The following ATP2B4 variants were observed in gnomAD, a reference collection of about 807,000 sequenced individuals.
The protein encoded by ATP2B4 is ATPase plasma membrane Ca2+ transporting 4.
Under a neutral mutation model 110.3 loss-of-function variants are expected in ATP2B4, and 39 were observed. The ratio of observed to expected loss-of-function variants is 0.35; its 90% CI spans 0.27 to 0.46. The LOEUF is 0.46. Ranked by LOEUF, ATP2B4 falls within the 20% of genes least tolerant of loss-of-function variation. The pLI, the probability that ATP2B4 is intolerant of heterozygous loss-of-function variation, is 1.00. For synonymous variants in ATP2B4, 538 were observed against 571.7 expected, an observed-to-expected ratio of 0.94 and a Z score of 0.84; for missense variants, 1,135 against 1,530.9, an observed-to-expected ratio of 0.74 and a Z score of 4.32.
intron 20 of ATP2B4, chr1:203,729,663 G>A: frequency 8.3e-7 from 1 of 1,207,630 alleles, no homozygotes; most frequent in Non-Finnish European, 1.1e-6. Context: ...TGCTGTGGCT[G>A]CCTCACCTAT....
chr1:203,699,006 GT>G (rs914922524), intron 3 of ATP2B4, among the ~76,000 whole-genome samples: 17 of 152,060 alleles, frequency 1.1e-4, no homozygotes, highest in African/African-American at 4.1e-4. Flanking sequence ...AACCCCTGGG[GT>G]CAAGCGATCT....
intron 1 of ATP2B4, among the ~76,000 whole-genome samples, chr1:203,670,683 AT>A (rs1664636475): frequency 6.6e-6 from 1 of 152,172 alleles, no homozygotes; most frequent in Non-Finnish European, 1.5e-5. Context: ...TTTAGAAGTG[AT>A]GCCTGCTCTG....
intron 1 of ATP2B4, among the ~76,000 whole-genome samples, chr1:203,634,710 C>A (rs1445127451): frequency 6.6e-6 from 1 of 151,698 alleles, no homozygotes; most frequent in Non-Finnish European, 1.5e-5. Context: ...TATCATCCAG[C>A]TGGAGTGCAG....
intron 1 of ATP2B4, among the ~76,000 whole-genome samples, chr1:203,675,943 T>C (rs1487471004): frequency 1.3e-5 from 2 of 151,920 alleles, no homozygotes; most frequent in South Asian, 2.1e-4. Context: ...AAAGGAGACA[T>C]GAACCAGAAC....
At position 203,684,928 on chromosome 1, in the gene ATP2B4, A is replaced by G. The variant is rs563833310; in HGVS notation, c.193+1530A>G. Among the ~76,000 whole-genome samples, 6 of 152,172 alleles carry G rather than the reference A, an allele frequency of 3.9e-5. No individual in the cohort carries two copies. In the East Asian group the frequency reaches 9.7e-4, roughly 25 times the overall value. The stretch of plus-strand genomic sequence containing the variant: ...AGGCAGGCTGGAGTGCAATGGTGCA[A>G]TCTTGGCTCACTGCAACCTCCACCT... On this transcript the variant is annotated intron_variant, in intron 2 of 20. Transcript: ENST00000357681.
rs1287926310 is a variant in ATP2B4, at chr1:203,698,295, T to C, written c.332T>C (p.Ile111Thr). 8 of 1,614,130 alleles carry C rather than the reference T, an allele frequency of 5.0e-6. No homozygotes were observed. The highest frequency in any genetic ancestry group is 6.8e-6 in the Non-Finnish European group (8 of 1,180,026). The change falls in exon 3 of 21, where the codon ATT becomes ACT. Residue 111 changes from isoleucine to threonine, a missense_variant. Around this residue, in one of 9 missense-constraint regions of ATP2B4, gnomAD observed 101 missense variants for 182.6 expected, o/e 0.55. Transcript: ENST00000357681. ...LQDVTLIILE[I>T]AAIISLVLSF... ...GATGTCACGCTTATCATCCTGGAGA[T>C]TGCAGCCATCATCTCCCTGGTCCTG...
At chr1:203,634,028 C>G (rs1185307334) in intron 1 of ATP2B4, among the ~76,000 whole-genome samples, 1 of 151,842 alleles carries the variant, frequency 6.6e-6, no homozygotes, top group African/African-American at 2.4e-5. Context: ...CCAGCCTGGG[C>G]AAGAAGAGTG....
rs139471941 is a variant in ATP2B4 at position 203,650,061 on chromosome 1, A to G, written c.-465+22842A>G. Among the ~76,000 whole-genome samples, 371 of 152,354 alleles carry G rather than the reference A, an allele frequency of 2.4e-3. 3 individuals carry two copies. In the East Asian group the frequency reaches 0.038, roughly 15 times the overall value. ...CCAGCCTTCCCTTCCATGGTGATGT[A>G]AACGGAGTGGCTTTCACGCACACAT... On this transcript the variant is annotated intron_variant, in intron 1 of 20. Coordinates refer to ENST00000357681, the MANE Select transcript of ATP2B4 (RefSeq NM_001684.5).
At chr1:203,655,837 A>G (rs1664144172) in intron 1 of ATP2B4, among the ~76,000 whole-genome samples, 1 of 152,138 alleles carries the variant, frequency 6.6e-6, no homozygotes, top group Non-Finnish European at 1.5e-5. Context: ...CCACATTGAG[A>G]AAAGACCTCT....
At chr1:203,720,100 A>G (rs1221672082) in intron 15 of ATP2B4, among the ~76,000 whole-genome samples, 1 of 152,148 alleles carries the variant, frequency 6.6e-6, no homozygotes, top group Non-Finnish European at 1.5e-5. Context: ...TAAAAGGAAA[A>G]TTTTGAACAA....
At chr1:203,672,955 T>A (rs1339943679) in intron 1 of ATP2B4, among the ~76,000 whole-genome samples, 1 of 152,060 alleles carries the variant, frequency 6.6e-6, no homozygotes, top group Non-Finnish European at 1.5e-5. Context: ...AATGTGGGCT[T>A]TTTCAGGGCT....
At chr1:203,687,675 C>G (rs918201700) in intron 2 of ATP2B4, among the ~76,000 whole-genome samples, 2 of 152,012 alleles carry the variant, frequency 1.3e-5, no homozygotes, top group Non-Finnish European at 2.9e-5. Flanking sequence ...TAAACCATAG[C>G]TTTTAAGGGG....
At chr1:203,683,530 GGCA>G in intron 2 of ATP2B4, 132 bp downstream of exon 2, 3 of 866,128 alleles carry the variant, frequency 3.5e-6, no homozygotes, top group Non-Finnish European at 5.0e-6. Flanking sequence ...GGAAAGGTAT[GGCA>G]TCTGAAGCAC....
intron 1 of ATP2B4, among the ~76,000 whole-genome samples, chr1:203,628,608 A>T (rs1357819884): frequency 6.6e-6 from 1 of 152,176 alleles, no homozygotes; most frequent in African/African-American, 2.4e-5. Context: ...GGAGTCTGGC[A>T]GGGAGTCTAG....
At chr1:203,701,973 G>T in intron 6 of ATP2B4, 71 bp from the exon 7 acceptor site, 1 of 1,566,076 alleles carries the variant, frequency 6.4e-7, no homozygotes, top group Non-Finnish European at 8.8e-7. Context: ...CTCTGAGCAG[G>T]ACCAACAAAT....
At chr1:203,657,752 C>T in intron 1 of ATP2B4, 2 of 689,350 alleles carry the variant, frequency 2.9e-6, no homozygotes, top group South Asian at 3.3e-5. Context: ...TATATTCGTT[C>T]TGTGGCATGG....
chr1:203,629,771 C>T lies in ATP2B4; in HGVS notation c.-465+2552C>T, dbSNP rs1395577731. Among the ~76,000 whole-genome samples the T allele has an allele frequency of 6.6e-6, 1 of 152,192 alleles. No homozygotes were observed. The highest frequency in any genetic ancestry group is 2.4e-5 in the African/African-American group (1 of 41,450). On this transcript the variant is annotated intron_variant, in intron 1 of 20. Transcript: ENST00000357681. This position sits in a 1 kb window ranked among gnomAD's most constrained non-coding sequence, Gnocchi z 4.6. The stretch of plus-strand genomic sequence containing the variant: ...TTGTGCCGAGCCTCAGACCCTTCTC[C>T]CTTCCATTTACCACCAAGTCTCTAG...
intron 4 of ATP2B4, 132 bp from the exon 5 acceptor site, chr1:203,700,074 T>A: frequency 9.1e-7 from 1 of 1,100,988 alleles, no homozygotes; most frequent in African/African-American, 1.6e-5. Flanking sequence ...CTCCATGTAC[T>A]CTCGGCCATT....
At chr1:203,630,387 T>C (rs772929638) in intron 1 of ATP2B4, among the ~76,000 whole-genome samples, 228 of 139,050 alleles carry the variant, frequency 1.6e-3, no homozygotes, top group Non-Finnish European at 2.7e-3. Context: ...TTTTTTTTTT[T>C]CAATGCTCCT....
Sources: gnomAD v4.1 joint callset for allele counts (sites outside exome capture counted in the v4.1 genomes callset) on GRCh38, gnomAD v4.1.1 for gene constraint, gnomAD v4.1.1 regional missense constraint, Gnocchi (gnomAD v3.1) non-coding constraint, MANE v1.5 for transcripts, NCBI Gene and HGNC (gene_info 2026-07-23, HGNC 2026-07-21) for gene names.